SMAD4: variants seen among roughly 807,000 people sequenced by gnomAD.
SMAD4 encodes the protein MAD homolog 4.
Under a neutral mutation model 63.2 loss-of-function variants are expected in SMAD4, and 7 were observed. The observed-to-expected ratio is 0.11, with a 90% CI of 0.06 to 0.21. SMAD4 has a LOEUF of 0.21. Ranked by LOEUF, SMAD4 falls within the 10% of genes least tolerant of loss-of-function variation. The pLI is 1.00. For synonymous variants in SMAD4, 215 were observed against 235.4 expected (o/e 0.91, Z 0.79); for missense variants, 312 against 693.8 (o/e 0.45, Z 6.18).
chr18:51,035,625 C>G (rs1374082082), intron 1 of SMAD4, among the ~76,000 whole-genome samples: 6 of 152,138 alleles, frequency 3.9e-5, no homozygotes, highest in African/African-American at 9.7e-5. Context: ...AGTCACTTAA[C>G]TGGTTTCTGA....
chr18:51,051,805 C>T (rs914192828), intron 4 of SMAD4, among the ~76,000 whole-genome samples: 1 of 151,422 alleles, frequency 6.6e-6, no homozygotes, highest in Non-Finnish European at 1.5e-5. Flanking sequence ...CCTCTTAGAA[C>T]ATTTTTTTTT....
chr18:51,053,713 A>G (rs1373427084), intron 4 of SMAD4: 6 of 152,142 alleles, frequency 3.9e-5, no homozygotes, highest in Non-Finnish European at 7.4e-5. Context: ...ATTTACATGT[A>G]GTAGATTTTT....
At chr18:51,031,411 A>T (rs1057309305) in intron 1 of SMAD4, among the ~76,000 whole-genome samples, 14 of 152,244 alleles carry the variant, frequency 9.2e-5, no homozygotes, top group African/African-American at 3.1e-4. Flanking sequence ...TTGAAGATTG[A>T]TAGCTGTTTC....
At chr18:51,076,185 T>A (rs995494343) in intron 10 of SMAD4, among the ~76,000 whole-genome samples, 1 of 152,192 alleles carries the variant, frequency 6.6e-6, no homozygotes, top group Non-Finnish European at 1.5e-5. Context: ...ATCTCTCTTA[T>A]ATAGCGACAG....
rs114634010 is a variant in SMAD4, at chr18:51,058,050, G to A, written c.668-75G>A. On this transcript the variant is annotated intron_variant, in intron 5 of 11. Coordinates refer to ENST00000342988, the MANE Select transcript of SMAD4 (RefSeq NM_005359.6). ...AGTTGTGCATTATCAGATAAAATTG[G>A]TCCTTCATTTAGTATATGAAATCAT... 1.4e-3 allele frequency: 2,133 copies of A among 1,548,136 alleles called. 24 individuals are homozygous for A. The African/African-American group carries it at 0.026, about 19-fold the overall frequency.
intron 1 of SMAD4, among the ~76,000 whole-genome samples, chr18:51,035,787 C>T (rs1038636239): frequency 7.2e-5 from 11 of 152,212 alleles, no homozygotes; most frequent in African/African-American, 2.6e-4. Flanking sequence ...TTCCCAAGTG[C>T]TGGGCTATGG....
chr18:51,051,516 A>G lies in SMAD4; in HGVS notation c.454+2192A>G, dbSNP rs1263998075. On this transcript the variant is annotated intron_variant, in intron 4 of 11. Coordinates refer to ENST00000342988, the MANE Select transcript of SMAD4 (RefSeq NM_005359.6). ...TCTTTTACCTTTCATGAAACTTTCTATGACCACGTTGACCTGTGTATTCAT... is the reference window on the plus strand; with the variant it reads ...TCTTTTACCTTTCATGAAACTTTCTGTGACCACGTTGACCTGTGTATTCAT... The G allele has an allele frequency of 2.6e-5, 11 of 418,254 alleles. No homozygotes were observed. In the East Asian group the frequency reaches 4.2e-4, roughly 16 times the overall value. The allele number at this position is 418,254 out of a possible 1,614,324, so 25.9% of individuals were successfully genotyped here. A position where few individuals can be genotyped will look rare whatever the true frequency, so the allele number is the denominator to read the frequency against.
chr18:51,053,245 C>G (rs1909754392), intron 4 of SMAD4: 1 of 151,688 alleles, frequency 6.6e-6, no homozygotes, highest in African/African-American at 2.4e-5. Flanking sequence ...GTAAAAAGAT[C>G]CCAGTCATTA....
intron 5 of SMAD4, among the ~76,000 whole-genome samples, chr18:51,055,707 A>C (rs1204288976): frequency 7.6e-6 from 1 of 131,622 alleles, no homozygotes; most frequent in South Asian, 2.4e-4. Flanking sequence ...CTTTTTTTTC[A>C]TTTTTTTTTT....
In SMAD4 at chr18:51,081,608, A is replaced by G. The variant is rs1400427842; in HGVS notation, c.*3141A>G. On this transcript the variant is annotated 3_prime_UTR_variant, in exon 12 of 12. Coordinates refer to ENST00000342988, the MANE Select transcript of SMAD4 (RefSeq NM_005359.6). ...GCTTAAGGAGAGCCATACTTGAGAC[A>G]TGTGAGTAAACTGAACTCATATTAG... 2.2e-5 allele frequency: 5 copies of G among 232,530 alleles called. No individual in the cohort carries two copies. Among genetic ancestry groups the G allele is most frequent in the Non-Finnish European group, 3.4e-5 (4 of 117,758 alleles). 14.4% of individuals were successfully genotyped at this position (232,530 alleles called of 1,614,324 possible). A position where few individuals can be genotyped will look rare whatever the true frequency, so the allele number is the denominator to read the frequency against.
At chr18:51,069,904 A>C (rs1180403236) in intron 10 of SMAD4, among the ~76,000 whole-genome samples, 2 of 151,888 alleles carry the variant, frequency 1.3e-5, no homozygotes, top group African/African-American at 4.8e-5. Context: ...TACCCCTAGT[A>C]CCTCCTATCT....
chr18:51,051,504 A>T, intron 4 of SMAD4: 4 of 424,502 alleles, frequency 9.4e-6, no homozygotes, highest in Non-Finnish European at 1.9e-5. Flanking sequence ...TTTACCTTTC[A>T]TGAAACTTTC....
intron 5 of SMAD4, among the ~76,000 whole-genome samples, chr18:51,056,608 A>G (rs1393204563): frequency 2.3e-5 from 3 of 129,472 alleles, no homozygotes; most frequent in African/African-American, 8.7e-5. Context: ...CGACACAGCG[A>G]GACTCCATCT....
rs1910670003 is a variant in SMAD4, at chr18:51,083,825, C to T, written c.*5358C>T. 1.3e-5 allele frequency: 3 copies of T among 231,074 alleles called. No homozygotes were observed. The highest frequency in any genetic ancestry group is 1.8e-4 in the South Asian group (1 of 5,516). 14.3% of individuals were successfully genotyped at this position (231,074 alleles called of 1,614,324 possible). ...TTTGGATTTCTTCCTTATCTTTGTT[C>T]TGCTGTTTGAGGGGGCTTTTTACTT... On this transcript the variant is annotated 3_prime_UTR_variant, in exon 12 of 12. Coordinates refer to ENST00000342988, the MANE Select transcript of SMAD4 (RefSeq NM_005359.6).
intron 1 of SMAD4, among the ~76,000 whole-genome samples, chr18:51,034,596 G>GT (rs1909151364): frequency 6.6e-6 from 1 of 151,236 alleles, no homozygotes; most frequent in South Asian, 2.1e-4. Flanking sequence ...CCAGCCTGGA[G>GT]TACAGTGCTG....
At position 51,046,968 on chromosome 18, in the gene SMAD4, G is replaced by T; in HGVS notation, c.-79G>T. ...AATTTTCCTTGCAACGTTAGCTGTT[G>T]TTTTTCACTGTTTCCAAAGGATCAA... On this transcript the variant is annotated 5_prime_UTR_variant, in exon 2 of 12. Coordinates refer to ENST00000342988, the MANE Select transcript of SMAD4 (RefSeq NM_005359.6). 7.4e-7 allele frequency: 1 copy of T among 1,348,406 alleles called. No homozygotes were observed. The allele number at this position is 1,348,406 out of a possible 1,614,324, so 83.5% of individuals were successfully genotyped here.
chr18:51,062,339 C>T (rs773545284), intron 8 of SMAD4, among the ~76,000 whole-genome samples: 2 of 152,066 alleles, frequency 1.3e-5, no homozygotes, highest in Non-Finnish European at 2.9e-5. Flanking sequence ...ACTCATGTAA[C>T]CACTACACAG....
intron 10 of SMAD4, among the ~76,000 whole-genome samples, 172 bp downstream of exon 10, chr18:51,067,359 TC>T (rs1376198770): frequency 6.6e-6 from 1 of 152,096 alleles, no homozygotes; most frequent in Non-Finnish European, 1.5e-5. Context: ...TTATCAGTAA[TC>T]TAGTTTTATC....
chr18:51,042,669 T>G (rs1002124759), intron 1 of SMAD4, among the ~76,000 whole-genome samples: 2 of 152,078 alleles, frequency 1.3e-5, no homozygotes, highest in African/African-American at 4.8e-5. Flanking sequence ...GTGCTGGGAT[T>G]ACAGGCATGA....
Sources: allele counts gnomAD v4.1 joint callset (sites outside exome capture counted in the v4.1 genomes callset), GRCh38; gene constraint gnomAD v4.1.1; transcripts MANE v1.5; gene names NCBI Gene and HGNC (gene_info 2026-07-23, HGNC 2026-07-21).